TAS2R1: variants seen among roughly 807,000 people sequenced by gnomAD.
TAS2R1 encodes the protein taste receptor type 2 member 1.
For missense variants in TAS2R1, 370 were observed against 353.4 expected, an observed-to-expected ratio of 1.05 and a Z score of -0.38; for synonymous variants, 141 against 134.2, an observed-to-expected ratio of 1.05 and a Z score of -0.35.
At chr5:9,708,447 G>T (rs1741667193) in intron 1 of TAS2R1, among the ~76,000 whole-genome samples, 1 of 152,162 alleles carries the variant, frequency 6.6e-6, no homozygotes, top group South Asian at 2.1e-4. Context: ...GGGAGTAAAA[G>T]AAAATTAATA....
chr5:9,648,543 C>T (rs1160251608), intron 2 of TAS2R1, among the ~76,000 whole-genome samples: 1 of 151,974 alleles, frequency 6.6e-6, no homozygotes, highest in South Asian at 2.1e-4. Context: ...GAAGCAGAGG[C>T]CACATCCCTC....
At chr5:9,701,218 GCAGACACACACACACACA>G (rs1741475609) in intron 1 of TAS2R1, among the ~76,000 whole-genome samples, 1 of 105,102 alleles carries the variant, frequency 9.5e-6, no homozygotes, top group South Asian at 3.2e-4. Flanking sequence ...TGGCAGACAC[GCAGACACACACACACACA>G]CACACACACA....
At chr5:9,847,638 AACG>A in the TAS2R1 span, among the ~76,000 whole-genome samples, 1 of 152,234 alleles carries the variant, frequency 6.6e-6, no homozygotes, top group South Asian at 2.1e-4. Flanking sequence ...TTGGAGCATC[AACG>A]ACAAGCCAGC....
chr5:9,690,992 G>A (rs6859196), intron 1 of TAS2R1, among the ~76,000 whole-genome samples: 1,525 of 152,288 alleles, frequency 0.01, 16 homozygotes, highest in African/African-American at 0.033. Context: ...TGCGTAGCCC[G>A]GGGAGATAAA....
the TAS2R1 span, among the ~76,000 whole-genome samples, chr5:9,845,780 T>A: frequency 1.3e-5 from 2 of 152,228 alleles, no homozygotes; most frequent in African/African-American, 4.8e-5. Flanking sequence ...ATGCAATGGA[T>A]TATTAGAGTA....
At chr5:9,696,956 T>A (rs1041192514) in intron 1 of TAS2R1, among the ~76,000 whole-genome samples, 11 of 152,106 alleles carry the variant, frequency 7.2e-5, no homozygotes, top group Admixed American at 2.0e-4. Flanking sequence ...GAGGTTGCTG[T>A]GAGGCTAGAT....
intron 2 of TAS2R1, among the ~76,000 whole-genome samples, chr5:9,637,805 T>C (rs1246628826): frequency 6.6e-6 from 1 of 152,220 alleles, no homozygotes; most frequent in African/African-American, 2.4e-5. Context: ...TACATATTTA[T>C]TTTGATAATT....
chr5:9,698,817 G>T (rs533748107), intron 1 of TAS2R1, among the ~76,000 whole-genome samples: 1 of 152,146 alleles, frequency 6.6e-6, no homozygotes, highest in Non-Finnish European at 1.5e-5. Flanking sequence ...GAAACTTCAC[G>T]AAAGAATATT....
At chr5:9,699,988 A>G (rs1741443376) in intron 1 of TAS2R1, among the ~76,000 whole-genome samples, 2 of 152,218 alleles carry the variant, frequency 1.3e-5, no homozygotes, top group Admixed American at 1.3e-4. Flanking sequence ...TCAGAAAAAA[A>G]GTATCCCATA....
At chr5:9,652,518 C>T (rs1047389611) in intron 2 of TAS2R1, among the ~76,000 whole-genome samples, 2 of 152,158 alleles carry the variant, frequency 1.3e-5, no homozygotes, top group Non-Finnish European at 2.9e-5. Flanking sequence ...GGGGGAGCCA[C>T]AAGACGGAAG....
the TAS2R1 span, among the ~76,000 whole-genome samples, chr5:9,765,271 G>T: frequency 6.6e-6 from 1 of 152,056 alleles, no homozygotes; most frequent in Non-Finnish European, 1.5e-5. Context: ...GAACAACATT[G>T]AACTTTTACT....
chr5:9,657,547 A>G (rs1292394190), intron 2 of TAS2R1, among the ~76,000 whole-genome samples: 1 of 152,214 alleles, frequency 6.6e-6, no homozygotes, highest in African/African-American at 2.4e-5. Flanking sequence ...GTGGTGTGGT[A>G]TATCCATACA....
intron 1 of TAS2R1, among the ~76,000 whole-genome samples, chr5:9,693,557 A>G (rs1290606026): frequency 1.1e-4 from 17 of 148,710 alleles, no homozygotes; most frequent in East Asian, 2.0e-4. Flanking sequence ...AAGAGAGAGA[A>G]AAAGAAAGAA....
the TAS2R1 span, among the ~76,000 whole-genome samples, chr5:9,813,475 C>A: frequency 6.6e-6 from 1 of 152,144 alleles, no homozygotes; most frequent in Non-Finnish European, 1.5e-5. Context: ...ACTAGACTTG[C>A]AGCAGCTATC....
chr5:9,819,793 T>C, the TAS2R1 span, among the ~76,000 whole-genome samples: 4 of 152,074 alleles, frequency 2.6e-5, no homozygotes, highest in Admixed American at 1.3e-4. Flanking sequence ...AAGATGTCCA[T>C]TTTCAGTTCC....
the TAS2R1 span, among the ~76,000 whole-genome samples, chr5:9,788,461 T>C: frequency 6.6e-6 from 1 of 152,144 alleles, no homozygotes; most frequent in Non-Finnish European, 1.5e-5. Flanking sequence ...CCAGTTATTT[T>C]GCTGTCACTC....
At chr5:9,810,849 A>T in the TAS2R1 span, among the ~76,000 whole-genome samples, 1 of 152,198 alleles carries the variant, frequency 6.6e-6, no homozygotes, top group East Asian at 1.9e-4. Flanking sequence ...AAAATGTTGC[A>T]CTATTTTCAC....
the TAS2R1 span, among the ~76,000 whole-genome samples, chr5:9,755,814 T>G: frequency 6.6e-3 from 1,005 of 152,262 alleles, 7 homozygotes; most frequent in Non-Finnish European, 8.4e-3. Context: ...TTTCTGACAT[T>G]GCTATGGCAT....
intron 1 of TAS2R1, among the ~76,000 whole-genome samples, chr5:9,664,370 A>G (rs1176852570): frequency 3.9e-5 from 6 of 152,226 alleles, no homozygotes; most frequent in Non-Finnish European, 8.8e-5. Context: ...TTTGATGCAG[A>G]AACAGTTGAG....
Sources: gnomAD v4.1 joint callset for allele counts (sites outside exome capture counted in the v4.1 genomes callset) on GRCh38, gnomAD v4.1.1 for gene constraint, MANE v1.5 for transcripts, NCBI Gene and HGNC (gene_info 2026-07-23, HGNC 2026-07-21) for gene names.